Variants in GABRA3 observed in about 807,000 individuals in gnomAD.
The protein encoded by GABRA3 is gamma-aminobutyric acid type A receptor subunit alpha3, also known as gamma-aminobutyric acid receptor subunit alpha-3.
GABRA3 carries 10 observed loss-of-function variants against 30.1 expected under a neutral mutation model. The observed-to-expected ratio is 0.33, with a 90% CI of 0.20 to 0.56. The LOEUF (loss-of-function observed/expected upper bound fraction) is 0.56, where lower values mean the gene tolerates loss of function less well. Ranked by LOEUF, GABRA3 falls within the 20% of genes least tolerant of loss-of-function variation. GABRA3 has a pLI of 0.89. For missense variants in GABRA3, 233 were observed against 392.0 expected, an observed-to-expected ratio of 0.59 and a Z score of 3.42; for synonymous variants, 151 against 146.8, an observed-to-expected ratio of 1.03 and a Z score of -0.21.
At chrX:152,241,878 G>A (rs995428758) in intron 5 of GABRA3, among the ~76,000 whole-genome samples, 11 of 111,479 alleles carry the variant, frequency 9.9e-5, no homozygotes, top group Non-Finnish European at 1.9e-4. Flanking sequence ...CACGGTGCGC[G>A]CACCCACTGG....
chrX:152,339,526 T>C (rs1345644323), intron 3 of GABRA3, among the ~76,000 whole-genome samples: 1 of 111,840 alleles, frequency 8.9e-6, no homozygotes, highest in Non-Finnish European at 1.9e-5. Flanking sequence ...GCCTATGTTG[T>C]AATTTTTTTA....
chrX:152,301,945 G>C (rs931543687), intron 3 of GABRA3, among the ~76,000 whole-genome samples: 1 of 111,613 alleles, frequency 9.0e-6, no homozygotes, highest in African/African-American at 3.3e-5. Context: ...ACTGGAAGTG[G>C]AATGATGTAA....
At chrX:152,409,600 T>C (rs1930018939) in intron 1 of GABRA3, among the ~76,000 whole-genome samples, 1 of 110,973 alleles carries the variant, frequency 9.0e-6, no homozygotes, top group Admixed American at 9.6e-5. Context: ...GAAGAAAATA[T>C]CTGCAAACTA....
intron 1 of GABRA3, among the ~76,000 whole-genome samples, chrX:152,427,614 A>T (rs983300643): frequency 2.7e-5 from 3 of 112,209 alleles, no homozygotes; most frequent in African/African-American, 9.7e-5. Flanking sequence ...TCACCGGAAA[A>T]TTACTTTTTC....
At chrX:152,372,089 C>A (rs1928856873) in intron 1 of GABRA3, among the ~76,000 whole-genome samples, 1 of 111,392 alleles carries the variant, frequency 9.0e-6, no homozygotes, top group African/African-American at 3.3e-5. Flanking sequence ...CAATGAATGG[C>A]TAACTTCTTT....
chrX:152,186,579 C>T (rs1471427911), intron 9 of GABRA3, among the ~76,000 whole-genome samples: 1 of 107,905 alleles, frequency 9.3e-6, no homozygotes, highest in East Asian at 2.9e-4. Flanking sequence ...TTTTGCCTCC[C>T]TCCCTTCCTT....
At chrX:152,414,237 T>C (rs375559462) in intron 1 of GABRA3, among the ~76,000 whole-genome samples, 2 of 111,051 alleles carry the variant, frequency 1.8e-5, no homozygotes, top group South Asian at 7.5e-4. Flanking sequence ...AAAATATTTT[T>C]ACAGGTAAAT....
At chrX:152,220,685 T>C (rs1244447320) in intron 6 of GABRA3, among the ~76,000 whole-genome samples, 4 of 111,423 alleles carry the variant, frequency 3.6e-5, no homozygotes, top group Non-Finnish European at 7.5e-5. Context: ...CGCATGAGAG[T>C]CCAGATTTGC....
intron 1 of GABRA3, among the ~76,000 whole-genome samples, chrX:152,409,744 C>A (rs1930023034): frequency 1.8e-5 from 2 of 111,750 alleles, no homozygotes; most frequent in African/African-American, 6.5e-5. Flanking sequence ...AAAAGGCAAC[C>A]CCCATACACT....
chrX:152,183,490 GA>G (rs139320784), intron 9 of GABRA3, among the ~76,000 whole-genome samples: 34,991 of 103,098 alleles, frequency 0.34, 4,879 homozygotes, highest in African/African-American at 0.52. Flanking sequence ...TTTATCTTTT[GA>G]AAAAAAAACA....
At chrX:152,371,421 C>T (rs1000656749) in intron 1 of GABRA3, among the ~76,000 whole-genome samples, 1 of 111,017 alleles carries the variant, frequency 9.0e-6, no homozygotes, top group Non-Finnish European at 1.9e-5. Flanking sequence ...AGTGTCTGCT[C>T]CTATCTAATG....
At chrX:152,381,992 A>G (rs1403141665) in intron 1 of GABRA3, among the ~76,000 whole-genome samples, 1 of 111,763 alleles carries the variant, frequency 8.9e-6, no homozygotes, top group Non-Finnish European at 1.9e-5. Context: ...GCTAACATGA[A>G]CAGTGCCGCA....
At chrX:152,411,790 A>G (rs973941297) in intron 1 of GABRA3, among the ~76,000 whole-genome samples, 2 of 111,950 alleles carry the variant, frequency 1.8e-5, no homozygotes, top group African/African-American at 6.5e-5. Context: ...AAAGACATCC[A>G]CAAGTGAGAG....
At chrX:152,372,412 A>C (rs761064148) in intron 1 of GABRA3, among the ~76,000 whole-genome samples, 1 of 111,491 alleles carries the variant, frequency 9.0e-6, no homozygotes, top group Non-Finnish European at 1.9e-5. Flanking sequence ...CTCTGTCATA[A>C]ATGCTTTTCC....
At position 152,301,110 on chromosome X, in the gene GABRA3, T is replaced by A. The variant is rs143534545; in HGVS notation, c.263-16375A>T. 1.7e-4 allele frequency among the ~76,000 whole-genome samples: 19 copies of A among 111,415 alleles called. No individual in the cohort carries two copies. In the Admixed American group the frequency reaches 1.7e-3, roughly 10 times the overall value. ...TGCTAAATACCAAAGTAAAGAAAGA[T>A]CTTGAAAGAAGATATTGGGAAATAG... On this transcript the variant is annotated intron_variant, in intron 3 of 9. Coordinates refer to ENST00000370314, the MANE Select transcript of GABRA3 (RefSeq NM_000808.4).
At chrX:152,253,019 C>G (rs1476848831) in intron 5 of GABRA3, among the ~76,000 whole-genome samples, 1 of 111,850 alleles carries the variant, frequency 8.9e-6, no homozygotes, top group Non-Finnish European at 1.9e-5. Flanking sequence ...TACTTTGCAT[C>G]CAGATGGAGG....
At chrX:152,171,833 CT>C (rs1344148523) in intron 9 of GABRA3, among the ~76,000 whole-genome samples, 1 of 111,941 alleles carries the variant, frequency 8.9e-6, no homozygotes, top group Non-Finnish European at 1.9e-5. Context: ...AACGCCTTTC[CT>C]TCTAAAAATC....
chrX:152,405,514 T>C (rs1569418762), intron 1 of GABRA3, among the ~76,000 whole-genome samples: 2 of 109,576 alleles, frequency 1.8e-5, no homozygotes, highest in Non-Finnish European at 3.8e-5. Flanking sequence ...GTATAGGGCC[T>C]GTGTCACACT....
intron 3 of GABRA3, among the ~76,000 whole-genome samples, chrX:152,299,361 C>T (rs1385672263): frequency 9.1e-6 from 1 of 110,062 alleles, no homozygotes; most frequent in African/African-American, 3.3e-5. Context: ...TGAACTGATG[C>T]CTGGGGTATG....
Sources: allele counts gnomAD v4.1 joint callset (sites outside exome capture counted in the v4.1 genomes callset), GRCh38; gene constraint gnomAD v4.1.1; transcripts MANE v1.5; gene names NCBI Gene and HGNC (gene_info 2026-07-23, HGNC 2026-07-21).